The following KLHL13 variants were observed in gnomAD, a reference collection of about 807,000 sequenced individuals.
KLHL13 encodes kelch-like protein 13.
Under a neutral mutation model 37.1 loss-of-function variants are expected in KLHL13, and 10 were observed. That is an observed-to-expected ratio of 0.27 (90% CI 0.17 to 0.46). The LOEUF is 0.46. Ranked by LOEUF, KLHL13 falls within the 20% of genes least tolerant of loss-of-function variation. The probability of loss-of-function intolerance (pLI) is 1.00; values close to 1 mark genes in which losing one functional copy is unlikely to be tolerated. For missense variants in KLHL13, 360 were observed against 509.3 expected, an observed-to-expected ratio of 0.71 and a Z score of 2.82; for synonymous variants, 163 against 181.2, an observed-to-expected ratio of 0.90 and a Z score of 0.81.
At chrX:118,058,413 C>T (rs1036192552) in intron 1 of KLHL13, among the ~76,000 whole-genome samples, 1 of 111,374 alleles carries the variant, frequency 9.0e-6, no homozygotes, top group African/African-American at 3.3e-5. Context: ...TTTCATTCTA[C>T]AGTTCCTCTC....
chrX:118,053,137 T>C (rs2054635324), intron 1 of KLHL13, among the ~76,000 whole-genome samples: 1 of 111,970 alleles, frequency 8.9e-6, no homozygotes, highest in Non-Finnish European at 1.9e-5. Flanking sequence ...ATCCCATTAC[T>C]GGGTATATAC....
At chrX:117,938,486 T>TA (rs2147774993) in intron 2 of KLHL13, among the ~76,000 whole-genome samples, 1 of 111,324 alleles carries the variant, frequency 9.0e-6, no homozygotes, top group East Asian at 2.8e-4. Context: ...AGTTTTTTAT[T>TA]AAAAAATTCT....
intron 1 of KLHL13, among the ~76,000 whole-genome samples, chrX:118,066,394 G>A (rs185011332): frequency 1.8e-5 from 2 of 111,530 alleles, no homozygotes; most frequent in Non-Finnish European, 3.8e-5. Context: ...CCAACTGGAG[G>A]CAATAACTCC....
At chrX:117,932,518 T>C (rs2147753952) in intron 2 of KLHL13, among the ~76,000 whole-genome samples, 1 of 112,489 alleles carries the variant, frequency 8.9e-6, no homozygotes, top group African/African-American at 3.2e-5. Context: ...CAGGATTTCA[T>C]TCTACTTTAT....
rs1250347524 is a variant in KLHL13 at position 118,091,027 on chromosome X, G to T, written c.-56+25481C>A. Among the ~76,000 whole-genome samples the T allele has an allele frequency of 1.5e-3, 155 of 104,411 alleles. 1 individual carries two copies. The highest frequency in any genetic ancestry group is 1.5e-3 in the Non-Finnish European group (77 of 51,244). 90.7% of individuals were successfully genotyped at this position (104,411 alleles called of 115,157 possible). On this transcript the variant is annotated intron_variant, in intron 1 of 6. Coordinates refer to the KLHL13 transcript ENST00000371882. ...ATCATTCTCAGCAAACTATCGCAAG[G>T]ACAAAAAACCAAACACCGCATGTTC... is the stretch of plus-strand genomic sequence containing the variant.
At chrX:118,069,764 T>A (rs1393653817) in intron 1 of KLHL13, among the ~76,000 whole-genome samples, 1 of 111,652 alleles carries the variant, frequency 9.0e-6, no homozygotes, top group Non-Finnish European at 1.9e-5. Context: ...AAGGCTAATT[T>A]ATTACCAAAG....
At chrX:117,955,334 G>T (rs1274078852) in intron 1 of KLHL13, among the ~76,000 whole-genome samples, 1 of 111,264 alleles carries the variant, frequency 9.0e-6, no homozygotes, top group Non-Finnish European at 1.9e-5. Context: ...ATCTTTTAAG[G>T]GGAAACATGA....
intron 1 of KLHL13, chrX:117,983,408 G>A (rs2053686730): frequency 1.7e-6 from 1 of 588,874 alleles, no homozygotes; most frequent in South Asian, 3.3e-5. Flanking sequence ...GTATTCTCAG[G>A]GTCTTTCATG....
intron 1 of KLHL13, among the ~76,000 whole-genome samples, chrX:118,100,191 T>G (rs2055272521): frequency 8.9e-6 from 1 of 111,840 alleles, no homozygotes; most frequent in African/African-American, 3.2e-5. Flanking sequence ...AAACAATTTT[T>G]GAATAAAATG....
intron 1 of KLHL13, among the ~76,000 whole-genome samples, chrX:118,089,184 T>G (rs1301273385): frequency 1.8e-5 from 2 of 111,432 alleles, no homozygotes; most frequent in African/African-American, 6.5e-5. Flanking sequence ...CACAATGCTG[T>G]AATGAAACAC....
At chrX:118,060,660 G>C (rs1263693996) in intron 1 of KLHL13, among the ~76,000 whole-genome samples, 1 of 110,721 alleles carries the variant, frequency 9.0e-6, no homozygotes, top group African/African-American at 3.3e-5. Context: ...TATGCTCAAG[G>C]TCACCATTGC....
chrX:117,939,125 G>A (rs1026310287), intron 2 of KLHL13, among the ~76,000 whole-genome samples: 7 of 109,739 alleles, frequency 6.4e-5, no homozygotes, highest in African/African-American at 1.7e-4. Context: ...GGTGTGTGAC[G>A]TTCTCCTCCC....
intron 1 of KLHL13, among the ~76,000 whole-genome samples, chrX:118,013,949 T>G (rs2054098635): frequency 8.9e-6 from 1 of 112,807 alleles, no homozygotes; most frequent in African/African-American, 3.2e-5. Flanking sequence ...CTTATGCCTG[T>G]CTTTACTTTA....
intron 1 of KLHL13, among the ~76,000 whole-genome samples, chrX:118,082,262 C>T (rs1031209418): frequency 1.8e-5 from 2 of 110,109 alleles, no homozygotes; most frequent in African/African-American, 6.6e-5. Context: ...CCACATCATC[C>T]CCAGCATTTA....
chrX:117,950,089 T>TGATG (rs1225504480), intron 1 of KLHL13, among the ~76,000 whole-genome samples: 8 of 112,747 alleles, frequency 7.1e-5, no homozygotes, highest in African/African-American at 2.6e-4. Context: ...TGTTTCATAG[T>TGATG]GCTTTAACTG....
intron 4 of KLHL13, among the ~76,000 whole-genome samples, chrX:117,917,385 A>T (rs1260237718): frequency 9.4e-6 from 1 of 105,933 alleles, no homozygotes; most frequent in Non-Finnish European, 1.9e-5. Context: ...TCCATTAGAA[A>T]TAGGTTTTAG....
intron 1 of KLHL13, among the ~76,000 whole-genome samples, chrX:118,102,509 A>G (rs978213503): frequency 4.5e-5 from 5 of 112,335 alleles, no homozygotes; most frequent in African/African-American, 1.6e-4. Flanking sequence ...TTAGAAAAGA[A>G]CAAAGAGAGT....
chrX:118,087,805 T>C (rs1434714935), intron 1 of KLHL13, among the ~76,000 whole-genome samples: 1 of 111,564 alleles, frequency 9.0e-6, no homozygotes, highest in Non-Finnish European at 1.9e-5. Context: ...TCCCTCACTG[T>C]ACCAGCTAAT....
intron 1 of KLHL13, among the ~76,000 whole-genome samples, chrX:118,042,290 C>T (rs559096401): frequency 3.0e-4 from 33 of 111,501 alleles, no homozygotes; most frequent in African/African-American, 9.8e-4. Context: ...CAGCATTGGA[C>T]ACATCACCCA....
Sources: allele counts gnomAD v4.1 joint callset (sites outside exome capture counted in the v4.1 genomes callset), GRCh38; gene constraint gnomAD v4.1.1; transcripts MANE v1.5; gene names NCBI Gene and HGNC (gene_info 2026-07-23, HGNC 2026-07-21).